Variants in NAALADL2 observed in about 807,000 individuals in gnomAD.
NAALADL2 encodes inactive N-acetylated-alpha-linked acidic dipeptidase-like protein 2.
NAALADL2 carries 76 observed loss-of-function variants against 87.2 expected under a neutral mutation model. That is an observed-to-expected ratio of 0.87 (90% CI 0.72 to 1.05). The LOEUF is 1.05. Ranked by LOEUF, NAALADL2 falls within the 50% of genes least tolerant of loss-of-function variation. NAALADL2 has a pLI of 0.00. For missense variants in NAALADL2, 1,089 were observed against 945.8 expected (o/e 1.15, Z -1.99); for synonymous variants, 354 against 331.0 (o/e 1.07, Z -0.75).
intron 2 of NAALADL2, among the ~76,000 whole-genome samples, chr3:174,604,659 T>C (rs1407842745): frequency 6.6e-6 from 1 of 151,868 alleles, no homozygotes; most frequent in African/African-American, 2.4e-5. Flanking sequence ...GTTCTCTTCT[T>C]TCCTTTCTTC....
chr3:174,453,422 C>G (rs1468180663), intron 1 of NAALADL2, among the ~76,000 whole-genome samples: 1 of 152,028 alleles, frequency 6.6e-6, no homozygotes, highest in African/African-American at 2.4e-5. Flanking sequence ...GCAGAGAACC[C>G]AGTAAAATAC....
At chr3:174,487,503 C>T (rs1263311869) in intron 1 of NAALADL2, among the ~76,000 whole-genome samples, 7 of 151,926 alleles carry the variant, frequency 4.6e-5, no homozygotes, top group Admixed American at 2.6e-4. Context: ...TTTGATGTCA[C>T]GTGAAGTATA....
chr3:174,562,181 T>C (rs1469485112), intron 2 of NAALADL2, among the ~76,000 whole-genome samples: 4 of 152,210 alleles, frequency 2.6e-5, no homozygotes, highest in African/African-American at 9.6e-5. Context: ...CTAATTACAT[T>C]TATAATTTTC....
chr3:175,603,346 C>G (rs1723217937), intron 10 of NAALADL2, among the ~76,000 whole-genome samples: 1 of 152,098 alleles, frequency 6.6e-6, no homozygotes, highest in African/African-American at 2.4e-5. Flanking sequence ...CTTAAAAAAT[C>G]TTAAATGTAC....
Position 175,718,114 on chromosome 3 carries a change from A to G in NAALADL2, c.1897-19192A>G. ...CTTCCTTTCCAGTACTTTGAGGTCT[A>G]CAAGACGTATCTAGAAAATTTACTA... On this transcript the variant is annotated intron_variant, in intron 11 of 13. Coordinates refer to ENST00000454872, the MANE Select transcript of NAALADL2 (RefSeq NM_207015.3). 3 of 897,446 alleles carry G rather than the reference A, an allele frequency of 3.3e-6. No individual in the cohort carries two copies. The South Asian group carries it at 5.8e-5, about 17-fold the overall frequency. The allele number at this position is 897,446 out of a possible 1,614,324, so 55.6% of individuals were successfully genotyped here. A position where few individuals can be genotyped will look rare whatever the true frequency, so the allele number is the denominator to read the frequency against.
chr3:175,734,583 G>A (rs983847982), intron 11 of NAALADL2, among the ~76,000 whole-genome samples: 4 of 152,076 alleles, frequency 2.6e-5, no homozygotes, highest in African/African-American at 4.8e-5. Flanking sequence ...AGAAATCTAG[G>A]CAGAGGTTCC....
intron 10 of NAALADL2, among the ~76,000 whole-genome samples, chr3:175,618,883 T>A (rs1280029170): frequency 3.3e-5 from 5 of 152,002 alleles, no homozygotes; most frequent in Non-Finnish European, 7.4e-5. Context: ...ATCTATACCA[T>A]GGATGTGCAC....
chr3:175,281,318 G>C (rs922563467), intron 4 of NAALADL2, among the ~76,000 whole-genome samples: 3 of 151,674 alleles, frequency 2.0e-5, no homozygotes, highest in Non-Finnish European at 3.0e-5. Flanking sequence ...TTTATTGCCA[G>C]TTAAGGTTTA....
At chr3:174,983,059 A>G (rs1015190509) in intron 1 of NAALADL2, among the ~76,000 whole-genome samples, 1 of 152,082 alleles carries the variant, frequency 6.6e-6, no homozygotes, top group Non-Finnish European at 1.5e-5. Flanking sequence ...CGGCCTCCCA[A>G]AGTGCTGGGA....
intron 1 of NAALADL2, among the ~76,000 whole-genome samples, chr3:175,033,906 C>T (rs1753085476): frequency 6.6e-6 from 1 of 152,268 alleles, no homozygotes; most frequent in East Asian, 1.9e-4. Context: ...GCCTATTTGA[C>T]ATTATCACTT....
At chr3:175,163,107 G>C (rs995285802) in intron 2 of NAALADL2, among the ~76,000 whole-genome samples, 3 of 152,018 alleles carry the variant, frequency 2.0e-5, no homozygotes, top group Non-Finnish European at 4.4e-5. Flanking sequence ...TCTGTACTTA[G>C]TTCAAAGAGG....
At chr3:175,048,870 TGGTGGCCTGAAAGCTGCATA>T (rs1470049407) in intron 1 of NAALADL2, among the ~76,000 whole-genome samples, 3 of 152,150 alleles carry the variant, frequency 2.0e-5, no homozygotes, top group African/African-American at 7.2e-5. Flanking sequence ...CAGAACCATA[TGGTGGCCTGAAAGCTGCATA>T]GGGAGTTTGT....
intron 4 of NAALADL2, among the ~76,000 whole-genome samples, chr3:175,280,315 AAAGACC>A (rs1356335131): frequency 6.6e-6 from 1 of 152,152 alleles, no homozygotes; most frequent in Non-Finnish European, 1.5e-5. Context: ...TCTATTTTGA[AAAGACC>A]AAGGAGAAGG....
At chr3:175,178,307 AT>A in intron 2 of NAALADL2, among the ~76,000 whole-genome samples, 1 of 152,186 alleles carries the variant, frequency 6.6e-6, no homozygotes, top group East Asian at 1.9e-4. Flanking sequence ...GGTACATATA[AT>A]TTTGAATCAT....
At chr3:175,332,357 A>G (rs1039173506) in intron 5 of NAALADL2, among the ~76,000 whole-genome samples, 2 of 152,200 alleles carry the variant, frequency 1.3e-5, no homozygotes, top group African/African-American at 4.8e-5. Context: ...ACAATACGGT[A>G]TTGGTATAAA....
chr3:175,056,762 G>A (rs1250430856), intron 1 of NAALADL2, among the ~76,000 whole-genome samples: 3 of 152,200 alleles, frequency 2.0e-5, no homozygotes, highest in African/African-American at 4.8e-5. Context: ...AAAGGGATGG[G>A]TCTGGCTAGT....
chr3:175,506,611 G>C (rs1213111528), intron 9 of NAALADL2, among the ~76,000 whole-genome samples: 1 of 152,146 alleles, frequency 6.6e-6, no homozygotes, highest in African/African-American at 2.4e-5. Flanking sequence ...AAGATAGTGA[G>C]AGACAAAACA....
intron 5 of NAALADL2, among the ~76,000 whole-genome samples, chr3:175,366,375 G>C (rs1298242047): frequency 6.6e-6 from 1 of 151,908 alleles, no homozygotes; most frequent in Non-Finnish European, 1.5e-5. Flanking sequence ...TATATACCCA[G>C]TAATGGGATT....
chr3:174,626,235 ATACTG>A (rs1021876632), intron 2 of NAALADL2, among the ~76,000 whole-genome samples: 1 of 152,064 alleles, frequency 6.6e-6, no homozygotes, highest in Non-Finnish European at 1.5e-5. Context: ...AAATTCAAAT[ATACTG>A]TACAGTGTCA....
Sources: gnomAD v4.1 joint callset for allele counts (sites outside exome capture counted in the v4.1 genomes callset) on GRCh38, gnomAD v4.1.1 for gene constraint, MANE v1.5 for transcripts, NCBI Gene and HGNC (gene_info 2026-07-23, HGNC 2026-07-21) for gene names.